CYP3A4: variants seen among roughly 807,000 people sequenced by gnomAD.
The protein encoded by CYP3A4 is cytochrome P450 3A4.
In CYP3A4, 41 loss-of-function variants were observed where a neutral mutation model predicts 54.9. The observed-to-expected ratio is 0.75, with a 90% CI of 0.58 to 0.97. The LOEUF (loss-of-function observed/expected upper bound fraction) is 0.97, where lower values mean the gene tolerates loss of function less well. Among genes scored for constraint, CYP3A4 ranks in the 50% least tolerant of loss-of-function variants. The pLI is 0.00. For synonymous variants in CYP3A4, 179 were observed against 205.2 expected (o/e 0.87, Z 1.09); for missense variants, 510 against 597.3 (o/e 0.85, Z 1.52).
chr7:99,776,562 A>T (rs1418452030), intron 3 of CYP3A4, among the ~76,000 whole-genome samples: 1 of 152,200 alleles, frequency 6.6e-6, no homozygotes, highest in East Asian at 1.9e-4. Context: ...TGAAGCTGGA[A>T]ACCATCATTC....
intron 3 of CYP3A4, among the ~76,000 whole-genome samples, chr7:99,777,519 T>TAA (rs60704786): frequency 7.2e-6 from 1 of 139,024 alleles, no homozygotes; most frequent in Admixed American, 7.4e-5. Flanking sequence ...TGTGTGTGTG[T>TAA]AAAAACCCTG....
chr7:99,756,997 TTTA>T lies in CYP3A4; in HGVS notation c.*1133_*1135del, dbSNP rs1815192328. On this transcript the variant is annotated 3_prime_UTR_variant, in exon 13 of 13. Transcript: ENST00000651514. ...CAATCAATTGACCAATCGACTGTTT[TTTA>T]TTAAGTGTTCATTGCATCGAGACAG... 1 of 152,188 alleles carries T rather than the reference TTTA, an allele frequency of 6.6e-6. No homozygotes were observed. Among genetic ancestry groups the T allele is most frequent in the African/African-American group, 2.4e-5 (1 of 41,454 alleles). 9.4% of individuals were successfully genotyped at this position (152,188 alleles called of 1,614,324 possible).
At chr7:99,765,894 T>C (rs1815465649) in intron 9 of CYP3A4, among the ~76,000 whole-genome samples, 1 of 152,176 alleles carries the variant, frequency 6.6e-6, no homozygotes, top group African/African-American at 2.4e-5. Context: ...TACTGCCAGT[T>C]AAAATCACCC....
intron 2 of CYP3A4, among the ~76,000 whole-genome samples, chr7:99,778,443 G>A (rs1402070671): frequency 6.6e-6 from 1 of 152,188 alleles, no homozygotes; most frequent in Non-Finnish European, 1.5e-5. Context: ...GAGGCCAAGG[G>A]AAAGTGAATT....
At chr7:99,772,434 T>C (rs897799948) in intron 4 of CYP3A4, among the ~76,000 whole-genome samples, 156 bp downstream of exon 4, 1 of 152,206 alleles carries the variant, frequency 6.6e-6, no homozygotes, top group African/African-American at 2.4e-5. Context: ...TTTATAGTTA[T>C]GCAAGATTGC....
chr7:99,767,719 CAT>C (rs1341946504), intron 7 of CYP3A4, among the ~76,000 whole-genome samples: 1 of 152,140 alleles, frequency 6.6e-6, no homozygotes, highest in Admixed American at 6.5e-5. Context: ...GAAACTCACA[CAT>C]ATGTGGAAGT....
At chr7:99,773,905 G>A (rs555098623) in intron 3 of CYP3A4, among the ~76,000 whole-genome samples, 2 of 152,236 alleles carry the variant, frequency 1.3e-5, no homozygotes, top group African/African-American at 2.4e-5. Context: ...AGTGAATCCA[G>A]GAGCTGGTTT....
At chr7:99,769,609 G>A (rs1412145464) in intron 6 of CYP3A4, 159 bp downstream of exon 6, 16 of 661,310 alleles carry the variant, frequency 2.4e-5, no homozygotes, top group South Asian at 3.7e-5. Flanking sequence ...CCTCCTCATC[G>A]GAGCTGCCCC....
intron 11 of CYP3A4, among the ~76,000 whole-genome samples, chr7:99,761,479 C>CCTTCTCCTCCTT (rs1232120613): frequency 6.6e-6 from 1 of 152,040 alleles, no homozygotes; most frequent in South Asian, 2.1e-4. Flanking sequence ...TCTTCTCCCT[C>CCTTCTCCTCCTT]CTTCTCCTCC....
chr7:99,771,529 A>G (rs1815633828), intron 4 of CYP3A4, among the ~76,000 whole-genome samples: 1 of 152,202 alleles, frequency 6.6e-6, no homozygotes, highest in Non-Finnish European at 1.5e-5. Flanking sequence ...AAAGATACAC[A>G]TTTTCCATAA....
intron 8 of CYP3A4, chr7:99,766,710 T>C: frequency 2.1e-6 from 1 of 483,060 alleles, no homozygotes; most frequent in South Asian, 2.9e-5. Flanking sequence ...ATAGGGACTT[T>C]CATTTGAGAA....
chr7:99,768,219 C>A, intron 7 of CYP3A4, 135 bp downstream of exon 7: 1 of 1,059,494 alleles, frequency 9.4e-7, no homozygotes, highest in Non-Finnish European at 1.4e-6. Context: ...ATGATGGTCA[C>A]ACATATCTTC....
chr7:99,773,643 A>T (rs1430421873), intron 3 of CYP3A4, among the ~76,000 whole-genome samples: 1 of 152,220 alleles, frequency 6.6e-6, no homozygotes, highest in South Asian at 2.1e-4. Flanking sequence ...GTTCTATGAA[A>T]CCAATGAGAA....
chr7:99,769,566 A>G, intron 6 of CYP3A4: 1 of 597,738 alleles, frequency 1.7e-6, no homozygotes, highest in South Asian at 1.9e-5. Flanking sequence ...CCCTGTGCAC[A>G]GGGGAGAAGA....
At chr7:99,780,184 G>T in intron 1 of CYP3A4, 99 bp from the exon 2 acceptor site, 2 of 1,216,210 alleles carry the variant, frequency 1.6e-6, no homozygotes, top group South Asian at 1.3e-5. Flanking sequence ...TCAAGAGAAC[G>T]AGGTAACATT....
chr7:99,761,498 C>A lies in CYP3A4; in HGVS notation c.1254-517G>T, dbSNP rs191165034. Among the ~76,000 whole-genome samples, 27 of 152,152 alleles carry A rather than the reference C, an allele frequency of 1.8e-4. No homozygotes were observed. In the East Asian group the frequency reaches 2.7e-3, roughly 15 times the overall value. ...CTCCCTCCTTCTCCTCCTTCTTCTT[C>A]TCTCCATCTCTCCCTCTTTCTCCCC... On this transcript the variant is annotated intron_variant, in intron 11 of 12. Coordinates refer to ENST00000651514, the MANE Select transcript of CYP3A4 (RefSeq NM_017460.6).
chr7:99,768,651 T>A, intron 6 of CYP3A4, 149 bp from the exon 7 acceptor site: 1 of 1,482,204 alleles, frequency 6.7e-7, no homozygotes, highest in Non-Finnish European at 9.3e-7. Context: ...TCACACTCCA[T>A]CAGAAGGTGT....
chr7:99,781,297 T>A (rs1815918315), intron 1 of CYP3A4, among the ~76,000 whole-genome samples: 1 of 152,212 alleles, frequency 6.6e-6, no homozygotes, highest in African/African-American at 2.4e-5. Flanking sequence ...GACAATTAAA[T>A]CCCTTTTCTT....
At chr7:99,773,122 A>T (rs1815677011) in intron 3 of CYP3A4, among the ~76,000 whole-genome samples, 2 of 152,182 alleles carry the variant, frequency 1.3e-5, no homozygotes, top group African/African-American at 4.8e-5. Flanking sequence ...TGGTGATGGG[A>T]TCAATACAAC....
Sources: allele counts gnomAD v4.1 joint callset (sites outside exome capture counted in the v4.1 genomes callset), GRCh38; gene constraint gnomAD v4.1.1; transcripts MANE v1.5; gene names NCBI Gene and HGNC (gene_info 2026-07-23, HGNC 2026-07-21).